The following SGIP1 variants were observed in gnomAD, a reference collection of about 807,000 sequenced individuals.
SGIP1 encodes SH3-containing GRB2-like protein 3-interacting protein 1.
In SGIP1, 38 loss-of-function variants were observed where a neutral mutation model predicts 107.5. That is an observed-to-expected ratio of 0.35 (90% CI 0.27 to 0.46). The LOEUF is 0.46. Among genes scored for constraint, SGIP1 ranks in the 20% least tolerant of loss-of-function variants. The probability of loss-of-function intolerance (pLI) is 1.00; values close to 1 mark genes in which losing one functional copy is unlikely to be tolerated. For missense variants in SGIP1, 929 were observed against 1,019.5 expected, an observed-to-expected ratio of 0.91 and a Z score of 1.21; for synonymous variants, 365 against 366.1, an observed-to-expected ratio of 1.00 and a Z score of 0.03.
At chr1:66,623,655 T>A (rs1490951862) in intron 1 of SGIP1, among the ~76,000 whole-genome samples, 1 of 152,234 alleles carries the variant, frequency 6.6e-6, no homozygotes, top group Non-Finnish European at 1.5e-5. Flanking sequence ...GTGTATTTCA[T>A]GTGTTAAAAA....
At chr1:66,657,391 G>A (rs1348558194) in intron 7 of SGIP1, among the ~76,000 whole-genome samples, 2 of 152,134 alleles carry the variant, frequency 1.3e-5, no homozygotes, top group African/African-American at 4.8e-5. Flanking sequence ...ATCAGAGCAC[G>A]AAACCTTCAT....
chr1:66,553,825 G>C (rs2057790265), intron 1 of SGIP1, among the ~76,000 whole-genome samples: 1 of 152,104 alleles, frequency 6.6e-6, no homozygotes. Flanking sequence ...CCTGGCCTCA[G>C]TGACTTCATC....
At chr1:66,583,385 C>T (rs2062085878) in intron 1 of SGIP1, among the ~76,000 whole-genome samples, 1 of 152,076 alleles carries the variant, frequency 6.6e-6, no homozygotes, top group South Asian at 2.1e-4. Flanking sequence ...GGGGAGTAGG[C>T]CCCAATAACT....
At chr1:66,603,107 TA>T (rs2066174038) in intron 1 of SGIP1, among the ~76,000 whole-genome samples, 2 of 152,314 alleles carry the variant, frequency 1.3e-5, no homozygotes, top group East Asian at 3.9e-4. Context: ...AGTCCTAAAA[TA>T]GATGATAAAT....
chr1:66,705,118 TG>T (rs2092372424), intron 18 of SGIP1, among the ~76,000 whole-genome samples: 1 of 152,206 alleles, frequency 6.6e-6, no homozygotes, highest in African/African-American at 2.4e-5. Flanking sequence ...TTCTGCACTG[TG>T]TGTGTAATCA....
chr1:66,673,731 C>T (rs1278431880), intron 12 of SGIP1, among the ~76,000 whole-genome samples: 4 of 152,146 alleles, frequency 2.6e-5, no homozygotes, highest in African/African-American at 7.2e-5. Flanking sequence ...TTCATACATC[C>T]GTCATTGTCG....
chr1:66,706,231 T>G (rs1210278109), intron 18 of SGIP1, among the ~76,000 whole-genome samples: 1 of 150,010 alleles, frequency 6.7e-6, no homozygotes, highest in East Asian at 1.9e-4. Context: ...TTATTTTAAT[T>G]TGGTCACTCA....
At chr1:66,704,705 C>A (rs547166572) in intron 18 of SGIP1, 378 of 152,128 alleles carry the variant, frequency 2.5e-3, no homozygotes, top group African/African-American at 8.7e-3. Flanking sequence ...GGCTGCCTAC[C>A]CTATTTCAAA....
Position 66,689,226 on chromosome 1 carries a change from C to T in SGIP1, c.1394C>T (p.Pro465Leu). Residue 465 changes from proline to leucine, a missense_variant, in exon 16 of 25, where the codon CCT becomes CTT. Around this residue, in one of 2 missense-constraint regions of SGIP1, gnomAD observed 588 missense variants for 588.6 expected, o/e 1.00. Coordinates refer to ENST00000371037, the MANE Select transcript of SGIP1 (RefSeq NM_032291.4). ...ACTCCACCTCCACCTCCTCCCCGGC[C>T]TCCATCCCGGCCAAAGCTACCTCCA... ...STTPPPPPPR[P>L]PSRPKLPPGK... is the part of the protein sequence containing the mutation. 1 of 1,613,912 alleles carries T rather than the reference C, an allele frequency of 6.2e-7. No individual in the cohort carries two copies. The highest frequency in any genetic ancestry group is 8.5e-7 in the Non-Finnish European group (1 of 1,179,898).
At chr1:66,546,853 G>A (rs1253779554) in intron 1 of SGIP1, among the ~76,000 whole-genome samples, 1 of 152,152 alleles carries the variant, frequency 6.6e-6, no homozygotes, top group Non-Finnish European at 1.5e-5. Flanking sequence ...TTTGCTAGGT[G>A]GGTAAGAACA....
At chr1:66,663,879 T>C (rs1280546089) in intron 8 of SGIP1, among the ~76,000 whole-genome samples, 1 of 152,168 alleles carries the variant, frequency 6.6e-6, no homozygotes, top group African/African-American at 2.4e-5. Flanking sequence ...TTTGAAAAAG[T>C]GTTCTGTATA....
chr1:66,666,621 A>G lies in SGIP1; in HGVS notation c.472-909A>G, dbSNP rs192265514. On this transcript the variant is annotated intron_variant, in intron 8 of 24. Coordinates refer to ENST00000371037, the MANE Select transcript of SGIP1 (RefSeq NM_032291.4). ...ATCCATGAGCATGGAATGTTCTTCCATTTGTTTGTGTCCTCTTTTATTTCA... is the reference window on the plus strand; with the variant it reads ...ATCCATGAGCATGGAATGTTCTTCCGTTTGTTTGTGTCCTCTTTTATTTCA... 1,203 of 152,406 alleles carry G rather than the reference A, an allele frequency of 7.9e-3. 5 individuals are homozygous for G. The highest frequency in any genetic ancestry group is 9.1e-3 in the Non-Finnish European group (621 of 68,122). 9.4% of individuals were successfully genotyped at this position (152,406 alleles called of 1,614,324 possible).
chr1:66,657,548 A>T (rs2080032664), intron 7 of SGIP1, among the ~76,000 whole-genome samples: 1 of 152,212 alleles, frequency 6.6e-6, no homozygotes, highest in Non-Finnish European at 1.5e-5. Context: ...GCATACTTGC[A>T]TTTTACCATG....
At chr1:66,601,128 C>G (rs1383646172) in intron 1 of SGIP1, among the ~76,000 whole-genome samples, 2 of 152,102 alleles carry the variant, frequency 1.3e-5, no homozygotes, top group Non-Finnish European at 2.9e-5. Flanking sequence ...CTTTGGCAGG[C>G]CGAGGCGGGC....
chr1:66,579,860 T>A (rs2148720678), intron 1 of SGIP1, among the ~76,000 whole-genome samples: 1 of 152,252 alleles, frequency 6.6e-6, no homozygotes, highest in East Asian at 1.9e-4. Flanking sequence ...ACTTTGTCCT[T>A]TCAGTTGCTC....
At chr1:66,540,116 G>A (rs1408951181) in intron 1 of SGIP1, among the ~76,000 whole-genome samples, 1 of 152,120 alleles carries the variant, frequency 6.6e-6, no homozygotes, top group Non-Finnish European at 1.5e-5. Context: ...AGAAAAAAAT[G>A]CTCAAATATG....
intron 1 of SGIP1, among the ~76,000 whole-genome samples, chr1:66,574,108 C>A (rs2060739968): frequency 6.6e-6 from 1 of 152,056 alleles, no homozygotes; most frequent in African/African-American, 2.4e-5. Flanking sequence ...GAGGAGCCTC[C>A]CACGCAGTCA....
intron 1 of SGIP1, among the ~76,000 whole-genome samples, chr1:66,584,331 A>T (rs10127489): frequency 0.19 from 28,501 of 152,000 alleles, 3,132 homozygotes; most frequent in African/African-American, 0.31. Context: ...ATACCTAGAT[A>T]AATAAATTTA....
intron 18 of SGIP1, among the ~76,000 whole-genome samples, chr1:66,706,997 C>A (rs2092567947): frequency 6.6e-6 from 1 of 151,970 alleles, no homozygotes; most frequent in Admixed American, 6.6e-5. Context: ...AATATCACCC[C>A]AAAATCACAC....
Sources: gnomAD v4.1 joint callset for allele counts (sites outside exome capture counted in the v4.1 genomes callset) on GRCh38, gnomAD v4.1.1 for gene constraint, gnomAD v4.1.1 regional missense constraint, MANE v1.5 for transcripts, NCBI Gene and HGNC (gene_info 2026-07-23, HGNC 2026-07-21) for gene names.